Variants in CCR6 observed in about 807,000 individuals in gnomAD.
The protein encoded by CCR6 is C-C chemokine receptor type 6.
In CCR6, 2 loss-of-function variants were observed where a neutral mutation model predicts 3.0. That is an observed-to-expected ratio of 0.66 (90% CI 0.27 to 2.07). The LOEUF is 2.07. Ranked by LOEUF, CCR6 falls within the 30% of genes most tolerant of loss-of-function variation. The pLI is 0.14. For synonymous variants in CCR6, 193 were observed against 184.3 expected (o/e 1.05, Z -0.38); for missense variants, 322 against 462.8 (o/e 0.70, Z 2.79).
chr6:167,128,528 G>A (rs1781706294), intron 1 of CCR6, among the ~76,000 whole-genome samples: 1 of 152,182 alleles, frequency 6.6e-6, no homozygotes, highest in South Asian at 2.1e-4. Context: ...TGCTGCTGCT[G>A]CACTTTCATC....
chr6:167,133,668 A>G (rs1562560534), intron 1 of CCR6, among the ~76,000 whole-genome samples: 1 of 151,214 alleles, frequency 6.6e-6, no homozygotes, highest in Non-Finnish European at 1.5e-5. Context: ...GATTTAGTTT[A>G]TGTTGTATCT....
intron 1 of CCR6, chr6:167,129,628 G>A (rs953999370): frequency 6.7e-6 from 1 of 149,758 alleles, no homozygotes; most frequent in Admixed American, 6.6e-5. Context: ...GTAGAGAGGT[G>A]CCAAACAGGA....
In CCR6 at chr6:167,138,425, G is replaced by A. The variant is rs938732197; in HGVS notation, c.*1070G>A. 19 of 152,074 alleles carry A rather than the reference G, an allele frequency of 1.2e-4. No individual in the cohort carries two copies. Among genetic ancestry groups the A allele is most frequent in the African/African-American group, 4.6e-4 (19 of 41,306 alleles). 9.4% of individuals were successfully genotyped at this position (152,074 alleles called of 1,614,324 possible). ...TGGCTGAAGACTTTTGTTATGAGGA[G>A]CTGCAGATTAGCTAGGGGACAGCTG... is the stretch of plus-strand genomic sequence containing the variant. On this transcript the variant is annotated 3_prime_UTR_variant, in exon 3 of 3. Transcript: ENST00000341935.
chr6:167,119,835 T>C (rs1025095107), upstream of CCR6, among the ~76,000 whole-genome samples: 1 of 152,168 alleles, frequency 6.6e-6, no homozygotes, highest in African/African-American at 2.4e-5. Context: ...GGCTCGGTAG[T>C]CTATGTTTTT....
upstream of CCR6, among the ~76,000 whole-genome samples, chr6:167,117,944 G>GT (rs34732907): frequency 1.4e-5 from 2 of 139,350 alleles, no homozygotes; most frequent in African/African-American, 5.2e-5. Context: ...GCACTTTTCT[G>GT]TTTTTTTTTT....
At chr6:167,133,065 T>C (rs915094220) in intron 1 of CCR6, among the ~76,000 whole-genome samples, 2 of 152,210 alleles carry the variant, frequency 1.3e-5, no homozygotes, top group East Asian at 3.8e-4. Context: ...TTCTATTCAA[T>C]ATATATATGT....
chr6:167,127,422 A>G (rs373707394), intron 1 of CCR6: 7 of 152,260 alleles, frequency 4.6e-5, no homozygotes, highest in Admixed American at 1.3e-4. Flanking sequence ...ATGTCTTAAT[A>G]TACTAGCCAC....
chr6:167,118,291 A>G (rs1781532877), upstream of CCR6, among the ~76,000 whole-genome samples: 1 of 152,236 alleles, frequency 6.6e-6, no homozygotes, highest in Admixed American at 6.5e-5. Flanking sequence ...AATCATTTAC[A>G]AATCTAAAAT....
At position 167,137,827 on chromosome 6, in the gene CCR6, T is replaced by C. The variant is rs1781873349; in HGVS notation, c.*472T>C. 1 of 161,242 alleles carries C rather than the reference T, an allele frequency of 6.2e-6. No individual in the cohort carries two copies. The highest frequency in any genetic ancestry group is 5.7e-5 in the Admixed American group (1 of 17,450). The allele number at this position is 161,242 out of a possible 1,614,324, so 10.0% of individuals were successfully genotyped here. A position where few individuals can be genotyped will look rare whatever the true frequency, so the allele number is the denominator to read the frequency against. On this transcript the variant is annotated 3_prime_UTR_variant, in exon 3 of 3. Transcript: ENST00000341935. The surrounding 1 kb of genome is among the most constrained non-coding windows in gnomAD (Gnocchi z 4.6). ...ACATTTTTATCTATCAGAATGTTTA[T>C]TGTTGCTGGTTATAAGCAGCAGGAT...
chr6:167,118,683 A>G (rs1255384193), upstream of CCR6, among the ~76,000 whole-genome samples: 1 of 152,222 alleles, frequency 6.6e-6, no homozygotes, highest in Non-Finnish European at 1.5e-5. Flanking sequence ...CTTTTGGATC[A>G]GATGACATGG....
intron 1 of CCR6, among the ~76,000 whole-genome samples, chr6:167,112,787 G>C (rs926522310): frequency 6.6e-6 from 1 of 152,144 alleles, no homozygotes; most frequent in African/African-American, 2.4e-5. Context: ...GGGAGACACA[G>C]AGAAGCCCAG....
chr6:167,124,086 G>A (rs779695655), intron 1 of CCR6, among the ~76,000 whole-genome samples: 35 of 152,082 alleles, frequency 2.3e-4, no homozygotes, highest in Non-Finnish European at 3.5e-4. Flanking sequence ...CACTCCAGCC[G>A]GAGATCAGCT....
chr6:167,113,997 T>C (rs1210480957), intron 1 of CCR6, among the ~76,000 whole-genome samples: 2 of 152,132 alleles, frequency 1.3e-5, no homozygotes, highest in African/African-American at 2.4e-5. Flanking sequence ...CATGAGATCT[T>C]ATGAGCAGAG....
Position 167,133,950 on chromosome 6 carries a change from A to G in CCR6, c.-97-2088A>G, listed in dbSNP as rs3857515. ...TATGTGTGTATATATATATATATAT[A>G]TATATATATATATATATATAGTTTT... On this transcript the variant is annotated intron_variant, in intron 1 of 2. Transcript: ENST00000341935. 1.5e-3 allele frequency among the ~76,000 whole-genome samples: 68 copies of G among 45,674 alleles called. 3 individuals carry two copies. The South Asian group carries it at 0.02, about 13-fold the overall frequency. 30.0% of individuals were successfully genotyped at this position (45,674 alleles called of 152,430 possible).
chr6:167,130,367 A>G (rs985998905), intron 1 of CCR6, among the ~76,000 whole-genome samples: 1 of 151,834 alleles, frequency 6.6e-6, no homozygotes, highest in African/African-American at 2.4e-5. Context: ...AATATCTACT[A>G]AAAAACTTCT....
chr6:167,115,390 T>G (rs112942569), intron 1 of CCR6: 5 of 152,274 alleles, frequency 3.3e-5, no homozygotes, highest in Non-Finnish European at 7.3e-5. Context: ...AGAGGAAAAC[T>G]GATTCTGCTG....
rs896075785 is a variant in CCR6 at position 167,117,710 on chromosome 6, C to T, written c.-98+5696C>T. 9.9e-5 allele frequency among the ~76,000 whole-genome samples: 15 copies of T among 152,080 alleles called. No individual in the cohort carries two copies. The South Asian group carries it at 1.0e-3, about 11-fold the overall frequency. On this transcript the variant is annotated intron_variant, in intron 1 of 2. Coordinates refer to the CCR6 transcript ENST00000400926. ...GATTACAGGCGTGAGCCACCGCGCC[C>T]GGCCTCTATTTTCTTTTTTGAGTCT...
At chr6:167,133,350 A>T (rs1781798795) in intron 1 of CCR6, among the ~76,000 whole-genome samples, 1 of 152,214 alleles carries the variant, frequency 6.6e-6, no homozygotes, top group Non-Finnish European at 1.5e-5. Context: ...AGGACCATTT[A>T]CTGAAGACTG....
chr6:167,130,570 A>G (rs1355468672), intron 1 of CCR6, among the ~76,000 whole-genome samples: 1 of 151,766 alleles, frequency 6.6e-6, no homozygotes, highest in African/African-American at 2.4e-5. Flanking sequence ...TTTTCCTGTG[A>G]AAACAGTGGC....
Sources: allele counts gnomAD v4.1 joint callset (sites outside exome capture counted in the v4.1 genomes callset), GRCh38; gene constraint gnomAD v4.1.1; non-coding constraint Gnocchi (gnomAD v3.1); transcripts MANE v1.5; gene names NCBI Gene and HGNC (gene_info 2026-07-23, HGNC 2026-07-21).